Variants in SAMD12 observed in about 807,000 individuals in gnomAD.
The protein encoded by SAMD12 is sterile alpha motif domain-containing protein 12.
SAMD12 carries 9 observed loss-of-function variants against 15.0 expected under a neutral mutation model. That is an observed-to-expected ratio of 0.60 (90% CI 0.36 to 1.05). The LOEUF (loss-of-function observed/expected upper bound fraction) is 1.05, where lower values mean the gene tolerates loss of function less well. Among genes scored for constraint, SAMD12 ranks in the 50% least tolerant of loss-of-function variants. SAMD12 has a pLI of 0.01. For synonymous variants in SAMD12, 86 were observed against 90.1 expected (o/e 0.96, Z 0.25); for missense variants, 230 against 234.2 (o/e 0.98, Z 0.12).
At chr8:118,159,259 G>T in the SAMD12 span, among the ~76,000 whole-genome samples, 3 of 152,112 alleles carry the variant, frequency 2.0e-5, no homozygotes. Flanking sequence ...TCCCCAGTGC[G>T]CACAGTGGAA....
intron 2 of SAMD12, among the ~76,000 whole-genome samples, chr8:118,534,278 T>G (rs1216516336): frequency 6.6e-6 from 1 of 152,192 alleles, no homozygotes; most frequent in Non-Finnish European, 1.5e-5. Context: ...GCCCCCACTC[T>G]CTTCTGGCTT....
intron 4 of SAMD12, among the ~76,000 whole-genome samples, chr8:118,320,677 G>T (rs911850738): frequency 4.7e-5 from 7 of 147,912 alleles, no homozygotes; most frequent in Admixed American, 4.7e-4. Context: ...TGGGGTGGGG[G>T]GGGTGGGGAG....
At chr8:118,191,247 AT>A (rs1819362614) in exon 5 of SAMD12, 1 of 152,154 alleles carries the variant, frequency 6.6e-6, no homozygotes, top group African/African-American at 2.4e-5. Flanking sequence ...TAGTTAAACC[AT>A]GGTCTTCTCA....
chr8:118,395,594 C>T (rs981420101), intron 3 of SAMD12, among the ~76,000 whole-genome samples: 1 of 152,114 alleles, frequency 6.6e-6, no homozygotes, highest in African/African-American at 2.4e-5. Flanking sequence ...TTTTAAGTAA[C>T]ACTTTGTTCG....
At chr8:118,506,315 T>C (rs762565361) in intron 2 of SAMD12, among the ~76,000 whole-genome samples, 1 of 152,216 alleles carries the variant, frequency 6.6e-6, no homozygotes, top group African/African-American at 2.4e-5. Context: ...CACTTTCCTA[T>C]GCTTGAGTAC....
At chr8:118,271,121 T>C (rs962472017) in intron 4 of SAMD12, among the ~76,000 whole-genome samples, 4 of 152,188 alleles carry the variant, frequency 2.6e-5, no homozygotes, top group Admixed American at 2.0e-4. Context: ...ATGCTGCTAA[T>C]TGATACTGAG....
intron 4 of SAMD12, among the ~76,000 whole-genome samples, chr8:118,229,904 C>A (rs1465854249): frequency 6.6e-6 from 1 of 152,144 alleles, no homozygotes; most frequent in Non-Finnish European, 1.5e-5. Flanking sequence ...TCAGAGGCTT[C>A]AACCCTTATG....
chr8:118,534,685 C>T (rs1279250752), intron 2 of SAMD12, among the ~76,000 whole-genome samples: 1 of 152,146 alleles, frequency 6.6e-6, no homozygotes, highest in Non-Finnish European at 1.5e-5. Context: ...TGCTTCATTT[C>T]ATCCATTTGA....
intron 4 of SAMD12, among the ~76,000 whole-genome samples, chr8:118,219,886 T>A (rs1270902602): frequency 6.6e-6 from 1 of 152,186 alleles, no homozygotes; most frequent in African/African-American, 2.4e-5. Flanking sequence ...AACGTGCAAC[T>A]CTCAACATTG....
At chr8:118,263,981 G>A (rs1813142099) in intron 4 of SAMD12, among the ~76,000 whole-genome samples, 1 of 152,104 alleles carries the variant, frequency 6.6e-6, no homozygotes, top group African/African-American at 2.4e-5. Context: ...TTTACTTCGT[G>A]AAAGCATAGT....
At chr8:118,486,266 A>T (rs753561941) in intron 2 of SAMD12, among the ~76,000 whole-genome samples, 3 of 152,046 alleles carry the variant, frequency 2.0e-5, no homozygotes, top group Non-Finnish European at 2.9e-5. Flanking sequence ...ATACAAAAAA[A>T]TTAGTCGGGT....
intron 2 of SAMD12, among the ~76,000 whole-genome samples, chr8:118,537,348 C>A (rs534012379): frequency 6.6e-6 from 1 of 152,014 alleles, no homozygotes; most frequent in South Asian, 2.1e-4. Flanking sequence ...TGTTATTACC[C>A]CCTTTGAATA....
intron 3 of SAMD12, among the ~76,000 whole-genome samples, chr8:118,423,562 T>G (rs1251034600): frequency 6.6e-6 from 1 of 152,168 alleles, no homozygotes; most frequent in Non-Finnish European, 1.5e-5. Flanking sequence ...AGACAAGAGT[T>G]CCTTCTCATG....
At chr8:118,215,553 C>T (rs1049707794) in intron 4 of SAMD12, among the ~76,000 whole-genome samples, 39 of 151,732 alleles carry the variant, frequency 2.6e-4, no homozygotes, top group East Asian at 7.7e-4. Flanking sequence ...CATGGTGGTG[C>T]GCTGGACCCA....
chr8:118,147,271 C>A, the SAMD12 span, among the ~76,000 whole-genome samples: 1 of 151,886 alleles, frequency 6.6e-6, no homozygotes, highest in Non-Finnish European at 1.5e-5. Context: ...GTGATCCACC[C>A]AGCTCAGCCT....
chr8:118,604,658 G>T (rs796333992), intron 1 of SAMD12, among the ~76,000 whole-genome samples: 3 of 152,088 alleles, frequency 2.0e-5, no homozygotes, highest in Non-Finnish European at 4.4e-5. Flanking sequence ...GCGGTGGCTC[G>T]CGCCTGTAAT....
intron 2 of SAMD12, among the ~76,000 whole-genome samples, chr8:118,452,502 C>A (rs893666776): frequency 6.6e-6 from 1 of 152,152 alleles, no homozygotes; most frequent in African/African-American, 2.4e-5. Context: ...GAATTTGCCT[C>A]ATTAGCATAA....
chr8:118,197,304 A>G (rs1380920606), exon 5 of SAMD12: 1 of 227,658 alleles, frequency 4.4e-6, no homozygotes, highest in African/African-American at 2.3e-5. Flanking sequence ...GAATTGCTGT[A>G]ATTTTTTTTT....
At chr8:118,321,295 GTTTTTTTTTTTTTTGGTT>G (rs1554631236) in intron 4 of SAMD12, among the ~76,000 whole-genome samples, 1 of 87,152 alleles carries the variant, frequency 1.1e-5, no homozygotes, top group Non-Finnish European at 2.0e-5. Context: ...TTTTTTTTTT[GTTTTTTTTTTTTTTGGTT>G]TTTTTTTAAA....
Sources: allele counts gnomAD v4.1 joint callset (sites outside exome capture counted in the v4.1 genomes callset), GRCh38; gene constraint gnomAD v4.1.1; transcripts MANE v1.5; gene names NCBI Gene and HGNC (gene_info 2026-07-23, HGNC 2026-07-21).